Variants in TRERF1 observed in about 807,000 individuals in gnomAD.
TRERF1 encodes the protein transcriptional regulating factor 1.
In TRERF1, 27 loss-of-function variants were observed where a neutral mutation model predicts 122.9. That is an observed-to-expected ratio of 0.22 (90% CI 0.16 to 0.30). The LOEUF (loss-of-function observed/expected upper bound fraction) is 0.30. Among genes scored for constraint, TRERF1 ranks in the 10% least tolerant of loss-of-function variants. The pLI is 1.00. For synonymous variants in TRERF1, 636 were observed against 641.7 expected (o/e 0.99, Z 0.13); for missense variants, 1,248 against 1,560.3 (o/e 0.80, Z 3.37).
intron 3 of TRERF1, among the ~76,000 whole-genome samples, chr6:42,356,478 C>T (rs961706344): frequency 3.0e-4 from 46 of 152,254 alleles, no homozygotes; most frequent in African/African-American, 1.0e-3. Flanking sequence ...GGCTCTCACT[C>T]ACAAGCCAAG....
chr6:42,419,038 T>C (rs1562174646), intron 2 of TRERF1, among the ~76,000 whole-genome samples: 1 of 152,154 alleles, frequency 6.6e-6, no homozygotes. Flanking sequence ...CAAGCTACGT[T>C]ACAACCCGGG....
At chr6:42,436,502 A>G (rs2151726223) in intron 2 of TRERF1, among the ~76,000 whole-genome samples, 1 of 152,222 alleles carries the variant, frequency 6.6e-6, no homozygotes, top group East Asian at 1.9e-4. Context: ...ATTTATTAAG[A>G]ACTTACTATC....
intron 3 of TRERF1, among the ~76,000 whole-genome samples, chr6:42,360,900 T>C (rs1269813030): frequency 6.6e-6 from 1 of 151,486 alleles, no homozygotes; most frequent in Non-Finnish European, 1.5e-5. Flanking sequence ...GATTAATCAA[T>C]TCATTGTGCC....
intron 2 of TRERF1, among the ~76,000 whole-genome samples, chr6:42,431,535 G>A (rs978098612): frequency 2.0e-5 from 3 of 152,266 alleles, no homozygotes; most frequent in Non-Finnish European, 4.4e-5. Context: ...TGGCTGCCCT[G>A]ATACTCCAAT....
At chr6:42,365,485 A>G (rs1357310369) in intron 2 of TRERF1, among the ~76,000 whole-genome samples, 2 of 152,072 alleles carry the variant, frequency 1.3e-5, no homozygotes, top group African/African-American at 2.4e-5. Flanking sequence ...CACTCCCCTA[A>G]TCCCTCCCAG....
chr6:42,243,236 A>C lies in TRERF1; in HGVS notation c.2859+12T>G. 1 of 1,609,202 alleles carries C rather than the reference A, an allele frequency of 6.2e-7. No individual in the cohort carries two copies. The highest frequency in any genetic ancestry group is 8.5e-7 in the Non-Finnish European group (1 of 1,175,576). On this transcript the variant is annotated intron_variant, in intron 15 of 17. Coordinates refer to ENST00000372922, the Ensembl canonical transcript of TRERF1. ...GTCCCAGCACAAGCAACAACTTAGCAGCTTCACTCACCACACAATCGTCGA... is the reference window on the plus strand; with the variant it reads ...GTCCCAGCACAAGCAACAACTTAGCCGCTTCACTCACCACACAATCGTCGA...
intron 2 of TRERF1, among the ~76,000 whole-genome samples, chr6:42,374,363 A>G (rs1446178959): frequency 6.6e-6 from 1 of 151,988 alleles, no homozygotes; most frequent in African/African-American, 2.4e-5. Flanking sequence ...TCTTCACCAC[A>G]GTTTGACAGT....
intron 2 of TRERF1, among the ~76,000 whole-genome samples, chr6:42,405,936 C>A (rs946473162): frequency 6.6e-6 from 1 of 152,056 alleles, no homozygotes; most frequent in Non-Finnish European, 1.5e-5. Context: ...ACCCACCATG[C>A]AACAAAGCCC....
intron 3 of TRERF1, among the ~76,000 whole-genome samples, chr6:42,302,209 T>C (rs538724246): frequency 2.6e-4 from 39 of 152,370 alleles, no homozygotes; most frequent in Middle Eastern, 6.8e-3. Context: ...AAAGGGCTGC[T>C]GGTATGCATT....
intron 3 of TRERF1, among the ~76,000 whole-genome samples, chr6:42,359,745 C>CA (rs996398904): frequency 2.9e-4 from 44 of 151,920 alleles, no homozygotes; most frequent in East Asian, 7.7e-4. Context: ...AAAAAACCAA[C>CA]AAAAAAAACC....
chr6:42,444,009 C>G (rs1468499559), intron 2 of TRERF1, among the ~76,000 whole-genome samples: 20 of 152,020 alleles, frequency 1.3e-4, no homozygotes, highest in Admixed American at 1.3e-3. Flanking sequence ...TAGAGAGGCT[C>G]GGAGGTCGAC....
Position 42,254,593 on chromosome 6 carries a change from C to T in TRERF1, c.2656+258G>A, listed in dbSNP as rs78608701. 5.8e-3 allele frequency among the ~76,000 whole-genome samples: 878 copies of T among 152,248 alleles called. 9 individuals carry two copies. Among genetic ancestry groups the T allele is most frequent in the African/African-American group, 0.019 (803 of 41,528 alleles). ...GTGGCTCTCTCTGGTCTCATGCACT[C>T]GTCTCCTTGCCACACGTGCAGGCAC... On this transcript the variant is annotated intron_variant, in intron 13 of 17. Transcript: ENST00000372922.
rs1582629277 is a variant in TRERF1 at position 42,259,857 on chromosome 6, C to G, written c.1885-134G>C. 8.0e-7 allele frequency: 1 copy of G among 1,257,622 alleles called. No individual in the cohort carries two copies. The highest frequency in any genetic ancestry group is 1.1e-6 in the Non-Finnish European group (1 of 922,410). The allele number at this position is 1,257,622 out of a possible 1,614,324, so 77.9% of individuals were successfully genotyped here. On this transcript the variant is annotated intron_variant, in intron 8 of 17. Transcript: ENST00000372922. The surrounding 1 kb of genome is among the most constrained non-coding windows in gnomAD (Gnocchi z 4.9). ...CTTGACCCCCCCACCCCCAACGCCC[C>G]CACATTCTGACCACATCCATTTTAG... is the stretch of plus-strand genomic sequence containing the variant.
chr6:42,446,653 A>G (rs949188764), intron 2 of TRERF1, among the ~76,000 whole-genome samples: 2 of 152,174 alleles, frequency 1.3e-5, no homozygotes, highest in African/African-American at 2.4e-5. Context: ...TAAGTCCTCA[A>G]TAAGAAGCTG....
At chr6:42,425,991 T>C (rs1322157651) in intron 2 of TRERF1, among the ~76,000 whole-genome samples, 1 of 152,102 alleles carries the variant, frequency 6.6e-6, no homozygotes, top group African/African-American at 2.4e-5. Context: ...AAGGTCACCC[T>C]CCAGTCTGTC....
intron 3 of TRERF1, among the ~76,000 whole-genome samples, chr6:42,322,619 A>G (rs1471851580): frequency 6.6e-6 from 1 of 152,226 alleles, no homozygotes; most frequent in Non-Finnish European, 1.5e-5. Context: ...AATTTAATAA[A>G]TGAACAAGTT....
intron 2 of TRERF1, among the ~76,000 whole-genome samples, chr6:42,364,106 C>A (rs926693379): frequency 5.3e-5 from 8 of 152,240 alleles, no homozygotes; most frequent in African/African-American, 1.9e-4. Context: ...TGGGCCTCCT[C>A]CCTGATGGAC....
At chr6:42,312,227 G>A (rs1022683548) in intron 3 of TRERF1, among the ~76,000 whole-genome samples, 1 of 152,164 alleles carries the variant, frequency 6.6e-6, no homozygotes, top group African/African-American at 2.4e-5. Context: ...CACCAGAGAA[G>A]AGCAGTCTGA....
intron 8 of TRERF1, among the ~76,000 whole-genome samples, chr6:42,262,601 C>CAGAGAGAGAGAGAGACAGAGAGAGAGAG (rs1554134255): frequency 1.7e-5 from 1 of 59,132 alleles, no homozygotes; most frequent in Non-Finnish European, 3.5e-5. Context: ...GAGAGAGAGA[C>CAGAGAGAGAGAGAGACAGAGAGAGAGAG]AGACAGACGG....
Sources: allele counts gnomAD v4.1 joint callset (sites outside exome capture counted in the v4.1 genomes callset), GRCh38; gene constraint gnomAD v4.1.1; non-coding constraint Gnocchi (gnomAD v3.1); transcripts MANE v1.5; gene names NCBI Gene and HGNC (gene_info 2026-07-23, HGNC 2026-07-21).